Variants in CCDC141 observed in about 807,000 individuals in gnomAD.
CCDC141 encodes coiled-coil domain-containing protein 141.
Under a neutral mutation model 181.0 loss-of-function variants are expected in CCDC141, and 168 were observed. The observed-to-expected ratio is 0.93, with a 90% CI of 0.82 to 1.05. The LOEUF (loss-of-function observed/expected upper bound fraction) is 1.05, where lower values mean the gene tolerates loss of function less well. Ranked by LOEUF, CCDC141 falls within the 50% of genes least tolerant of loss-of-function variation. The probability of loss-of-function intolerance (pLI) is 0.00; values close to 1 mark genes in which losing one functional copy is unlikely to be tolerated. For synonymous variants in CCDC141, 666 were observed against 642.3 expected (o/e 1.04, Z -0.56); for missense variants, 1,902 against 1,788.5 (o/e 1.06, Z -1.14).
chr2:179,027,646 C>CAAAAAAAAAAAAAA lies in CCDC141; in HGVS notation c.225+19624_225+19637dup. ...GGCAACAGAGTGAGACTCTTACTCT[C>CAAAAAAAAAAAAAA]AAAAAAAAAAAAAAAAAAAAAAAAA... On this transcript the variant is annotated intron_variant, in intron 2 of 23. Transcript: ENST00000443758. Among the ~76,000 whole-genome samples the CAAAAAAAAAAAAAA allele has an allele frequency of 1.8e-3, 98 of 53,280 alleles. 1 individual carries two copies. The highest frequency in any genetic ancestry group is 2.7e-3 in the South Asian group (2 of 750). 35.0% of individuals were successfully genotyped at this position (53,280 alleles called of 152,430 possible). A position where few individuals can be genotyped will look rare whatever the true frequency, so the allele number is the denominator to read the frequency against.
chr2:178,988,250 A>G (rs1691850590), intron 2 of CCDC141, among the ~76,000 whole-genome samples: 1 of 147,506 alleles, frequency 6.8e-6, no homozygotes, highest in Non-Finnish European at 1.5e-5. Context: ...ATTCTCACTC[A>G]TAGGTGGGAA....
chr2:178,855,791 TAA>T (rs1033888635), intron 18 of CCDC141, among the ~76,000 whole-genome samples: 2 of 152,236 alleles, frequency 1.3e-5, no homozygotes, highest in African/African-American at 4.8e-5. Flanking sequence ...TGATCTTTTT[TAA>T]AGACATTGAT....
At chr2:178,977,383 C>A (rs1294489732) in intron 3 of CCDC141, among the ~76,000 whole-genome samples, 2 of 152,156 alleles carry the variant, frequency 1.3e-5, no homozygotes, top group African/African-American at 2.4e-5. Flanking sequence ...CTATACCCTA[C>A]TTACTAAGAT....
chr2:178,952,520 C>T (rs1050575105), intron 5 of CCDC141, among the ~76,000 whole-genome samples: 1 of 152,204 alleles, frequency 6.6e-6, no homozygotes, highest in African/African-American at 2.4e-5. Flanking sequence ...GGTATCCATG[C>T]CATCTGCACC....
Position 178,978,680 on chromosome 2 carries a change from G to A in CCDC141, c.226-5C>T. On this transcript the variant is annotated splice_region_variant and splice_polypyrimidine_tract_variant and intron_variant, in intron 2 of 23. Coordinates refer to ENST00000443758, the MANE Select transcript of CCDC141 (RefSeq NM_173648.4). ...CCATACCCGATCTTCCAAAGCCTAAGTACAAAAGAAAAAGGCATAAGGCAG... is the reference window on the plus strand; with the variant it reads ...CCATACCCGATCTTCCAAAGCCTAAATACAAAAGAAAAAGGCATAAGGCAG... 1 of 1,517,094 alleles carries A rather than the reference G, an allele frequency of 6.6e-7. No homozygotes were observed. Among genetic ancestry groups the A allele is most frequent in the Non-Finnish European group, 8.8e-7 (1 of 1,131,790 alleles). The allele number at this position is 1,517,094 out of a possible 1,614,324, so 94.0% of individuals were successfully genotyped here.
chr2:178,882,585 T>A (rs1686676089), intron 11 of CCDC141, among the ~76,000 whole-genome samples: 1 of 152,064 alleles, frequency 6.6e-6, no homozygotes, highest in Non-Finnish European at 1.5e-5. Flanking sequence ...TGGCTTCATT[T>A]TTTTTTTCAG....
intron 2 of CCDC141, among the ~76,000 whole-genome samples, chr2:179,012,587 A>G (rs1272497299): frequency 1.2e-3 from 189 of 152,196 alleles, no homozygotes; most frequent in African/African-American, 4.4e-3. Context: ...CCACAAGATA[A>G]AGAAGGAACC....
chr2:179,015,089 T>TATATATATATATATATATATATA (rs2042405859), intron 2 of CCDC141, among the ~76,000 whole-genome samples: 1 of 47,124 alleles, frequency 2.1e-5, no homozygotes, highest in African/African-American at 6.4e-5. Context: ...TATATATATA[T>TATATATATATATATATATATATA]ATATATATAT....
At chr2:178,871,129 T>TA (rs1686101791) in intron 14 of CCDC141, among the ~76,000 whole-genome samples, 1 of 152,110 alleles carries the variant, frequency 6.6e-6, no homozygotes, top group African/African-American at 2.4e-5. Context: ...GGAAAAGAAT[T>TA]AGAGTGAAAA....
At chr2:178,982,809 G>A (rs959095278) in intron 2 of CCDC141, among the ~76,000 whole-genome samples, 29 of 152,166 alleles carry the variant, frequency 1.9e-4, no homozygotes, top group Non-Finnish European at 3.7e-4. Flanking sequence ...TGGCTCGGAG[G>A]GTCCTACCCC....
At chr2:178,894,309 G>C (rs1389755846) in intron 8 of CCDC141, among the ~76,000 whole-genome samples, 1 of 151,716 alleles carries the variant, frequency 6.6e-6, no homozygotes, top group African/African-American at 2.4e-5. Context: ...AGCAAAGAGA[G>C]AAGCAAGCAA....
intron 2 of CCDC141, among the ~76,000 whole-genome samples, chr2:178,999,666 G>A (rs1384200613): frequency 9.9e-5 from 15 of 151,802 alleles, no homozygotes; most frequent in Non-Finnish European, 8.8e-5. Flanking sequence ...CTGTTCTCTA[G>A]CCTTCTGAAA....
intron 7 of CCDC141, 102 bp downstream of exon 7, chr2:178,918,611 A>G (rs967178557): frequency 2.0e-5 from 18 of 878,834 alleles, no homozygotes; most frequent in East Asian, 2.7e-5. Flanking sequence ...GAAATTTTAC[A>G]TGGCGTTTTG....
intron 8 of CCDC141, among the ~76,000 whole-genome samples, chr2:178,896,387 C>G (rs534789953): frequency 6.6e-6 from 1 of 152,118 alleles, no homozygotes; most frequent in Non-Finnish European, 1.5e-5. Context: ...CCTGACTGGA[C>G]GCGGGACAGG....
intron 2 of CCDC141, among the ~76,000 whole-genome samples, chr2:178,982,865 C>A (rs1053625414): frequency 6.6e-6 from 1 of 152,194 alleles, no homozygotes; most frequent in South Asian, 2.1e-4. Flanking sequence ...GATCAAACTG[C>A]AAGGCGGCAG....
chr2:178,955,580 CA>C (rs549350206), intron 5 of CCDC141, among the ~76,000 whole-genome samples: 17 of 151,248 alleles, frequency 1.1e-4, no homozygotes, highest in Non-Finnish European at 1.5e-4. Context: ...TTCAATGTAA[CA>C]AAAAAACAGG....
At chr2:178,892,554 G>C (rs893940550) in intron 8 of CCDC141, among the ~76,000 whole-genome samples, 16 of 152,056 alleles carry the variant, frequency 1.1e-4, no homozygotes, top group Non-Finnish European at 1.9e-4. Context: ...ATTCAGCCCT[G>C]ATTCCATCCT....
intron 8 of CCDC141, among the ~76,000 whole-genome samples, chr2:178,899,361 C>A (rs897156490): frequency 1.3e-5 from 2 of 152,118 alleles, no homozygotes; most frequent in East Asian, 3.8e-4. Flanking sequence ...CACTGTTAAA[C>A]AATGTATCAC....
chr2:178,833,926 A>G lies in CCDC141; in HGVS notation c.*247T>C. ...AATTTTGCTGCATATTATGTTGAAA[A>G]CATCTGTTTCTAGAGTACAAAAATC... On this transcript the variant is annotated 3_prime_UTR_variant, in exon 24 of 24. Transcript: ENST00000443758. 2.3e-6 allele frequency: 1 copy of G among 444,106 alleles called. No homozygotes were observed. Among genetic ancestry groups the G allele is most frequent in the Non-Finnish European group, 4.0e-6 (1 of 249,220 alleles). The allele number at this position is 444,106 out of a possible 1,614,324, so 27.5% of individuals were successfully genotyped here. A position where few individuals can be genotyped will look rare whatever the true frequency, so the allele number is the denominator to read the frequency against.
Sources: gnomAD v4.1 joint callset for allele counts (sites outside exome capture counted in the v4.1 genomes callset) on GRCh38, gnomAD v4.1.1 for gene constraint, MANE v1.5 for transcripts, NCBI Gene and HGNC (gene_info 2026-07-23, HGNC 2026-07-21) for gene names.